The following NEBL variants were observed in gnomAD, a reference collection of about 807,000 sequenced individuals.
NEBL encodes LIM and SH3 protein 2.
Under a neutral mutation model 140.2 loss-of-function variants are expected in NEBL, and 122 were observed. The ratio of observed to expected loss-of-function variants is 0.87; its 90% CI spans 0.75 to 1.01. The LOEUF (loss-of-function observed/expected upper bound fraction) is 1.01. NEBL is among the 50% of genes least tolerant of loss of function. NEBL has a pLI of 0.00. For missense variants in NEBL, 1,365 were observed against 1,231.3 expected (o/e 1.11, Z -1.62); for synonymous variants, 436 against 398.9 (o/e 1.09, Z -1.11).
At chr10:20,935,614 A>C (rs1834440696) in intron 4 of NEBL, among the ~76,000 whole-genome samples, 1 of 152,224 alleles carries the variant, frequency 6.6e-6, no homozygotes, top group African/African-American at 2.4e-5. Context: ...TGGAAGCAGA[A>C]TTAAAACACT....
chr10:21,140,835 A>G (rs575667442), intron 2 of NEBL, among the ~76,000 whole-genome samples: 2 of 152,242 alleles, frequency 1.3e-5, no homozygotes, highest in African/African-American at 4.8e-5. Context: ...ACAAATATCT[A>G]ACGCATGCAT....
chr10:21,016,211 C>T (rs1418714222), intron 3 of NEBL, among the ~76,000 whole-genome samples: 1 of 152,216 alleles, frequency 6.6e-6, no homozygotes, highest in African/African-American at 2.4e-5. Context: ...CAGAGCAGTC[C>T]ACATCTACTG....
intron 4 of NEBL, among the ~76,000 whole-genome samples, chr10:20,886,684 C>T (rs1439386897): frequency 2.0e-5 from 3 of 152,178 alleles, no homozygotes; most frequent in Non-Finnish European, 4.4e-5. Flanking sequence ...CATTTACTGG[C>T]TGTGCCACCT....
intron 2 of NEBL, among the ~76,000 whole-genome samples, chr10:21,072,768 A>G (rs1424786690): frequency 6.6e-6 from 1 of 152,202 alleles, no homozygotes; most frequent in Non-Finnish European, 1.5e-5. Flanking sequence ...AGGCCGGTGG[A>G]TAACTTGAGG....
intron 2 of NEBL, chr10:21,125,624 T>C: frequency 2.1e-6 from 1 of 469,028 alleles, no homozygotes; most frequent in Non-Finnish European, 3.8e-6. Flanking sequence ...GGAATGTAAG[T>C]TTTGTTTCCC....
upstream of NEBL, among the ~76,000 whole-genome samples, chr10:21,178,315 T>C (rs141749200): frequency 3.9e-5 from 6 of 152,306 alleles, no homozygotes; most frequent in East Asian, 1.9e-4. Flanking sequence ...AGGAAATGCA[T>C]TGGGGAATAA....
chr10:21,238,716 T>TAAAAAAAAA (rs35732687), intron 3 of NEBL, among the ~76,000 whole-genome samples: 279 of 94,340 alleles, frequency 3.0e-3, no homozygotes, highest in East Asian at 0.011. Flanking sequence ...TCAAAAAAAT[T>TAAAAAAAAA]AAAAAAAAAA....
intron 18 of NEBL, among the ~76,000 whole-genome samples, chr10:20,825,058 A>G (rs981636379): frequency 6.6e-6 from 1 of 152,158 alleles, no homozygotes; most frequent in Non-Finnish European, 1.5e-5. Flanking sequence ...CACTTTATTC[A>G]AGAGACAGCT....
rs1055309193 is a variant in NEBL at position 20,860,248 on chromosome 10, C to T, written c.685-422G>A. Among the ~76,000 whole-genome samples, 10 of 152,142 alleles carry T rather than the reference C, an allele frequency of 6.6e-5. No homozygotes were observed. The South Asian group carries it at 1.9e-3, about 28-fold the overall frequency. On this transcript the variant is annotated intron_variant, in intron 7 of 27. Coordinates refer to ENST00000377122, the MANE Select transcript of NEBL (RefSeq NM_006393.3). The stretch of plus-strand genomic sequence containing the variant: ...GAATTATTCCAAATAAAGAGCATGA[C>T]GTGTACCACAGTTTTTCTCATCATT...
intron 3 of NEBL, among the ~76,000 whole-genome samples, chr10:20,997,217 A>G (rs1229280719): frequency 6.6e-6 from 1 of 152,110 alleles, no homozygotes; most frequent in Non-Finnish European, 1.5e-5. Flanking sequence ...TTGTTCATTT[A>G]AACATTTACA....
chr10:21,026,728 C>A (rs534194258), intron 2 of NEBL, among the ~76,000 whole-genome samples: 1 of 152,166 alleles, frequency 6.6e-6, no homozygotes, highest in Admixed American at 6.5e-5. Context: ...AATGAGTTAA[C>A]ATGGCAGGGC....
chr10:21,126,437 T>A (rs1407278703), intron 2 of NEBL, among the ~76,000 whole-genome samples: 1 of 152,122 alleles, frequency 6.6e-6, no homozygotes, highest in Non-Finnish European at 1.5e-5. Context: ...TATTTTCAAA[T>A]GCATTAGTTC....
intron 2 of NEBL, among the ~76,000 whole-genome samples, chr10:21,069,166 G>T (rs1835703401): frequency 6.6e-6 from 1 of 152,196 alleles, no homozygotes; most frequent in Non-Finnish European, 1.5e-5. Context: ...TGGGATTACA[G>T]TCATGAGCCA....
At chr10:21,203,780 C>T (rs1275255694) in intron 3 of NEBL, among the ~76,000 whole-genome samples, 6 of 152,142 alleles carry the variant, frequency 3.9e-5, no homozygotes, top group African/African-American at 7.2e-5. Context: ...CTGCATTTGA[C>T]GACCTTCCCA....
At chr10:21,240,325 C>G (rs1269008914) in intron 3 of NEBL, among the ~76,000 whole-genome samples, 1 of 152,132 alleles carries the variant, frequency 6.6e-6, no homozygotes, top group Non-Finnish European at 1.5e-5. Context: ...TAAGGAAAAT[C>G]AATCGCTTGG....
chr10:20,889,616 A>G (rs1036885872), intron 3 of NEBL, among the ~76,000 whole-genome samples: 7 of 152,186 alleles, frequency 4.6e-5, no homozygotes, highest in Non-Finnish European at 1.0e-4. Context: ...AAAGATTTAG[A>G]GTCAAAATAT....
chr10:21,144,793 C>A (rs1216179001), intron 2 of NEBL, among the ~76,000 whole-genome samples: 1 of 152,044 alleles, frequency 6.6e-6, no homozygotes, highest in Non-Finnish European at 1.5e-5. Flanking sequence ...CAAGCCCCAT[C>A]ATATAAGGCC....
intron 2 of NEBL, among the ~76,000 whole-genome samples, chr10:21,084,253 T>G (rs1836514492): frequency 6.6e-6 from 1 of 152,260 alleles, no homozygotes; most frequent in Admixed American, 6.5e-5. Context: ...CGTTGAGTGT[T>G]GAATGCAGCT....
intron 1 of NEBL, among the ~76,000 whole-genome samples, chr10:21,275,139 C>G (rs1842904308): frequency 6.6e-6 from 1 of 152,150 alleles, no homozygotes; most frequent in South Asian, 2.1e-4. Flanking sequence ...CCCACCCCAC[C>G]CTGCTCAACA....
Sources: gnomAD v4.1 joint callset for allele counts (sites outside exome capture counted in the v4.1 genomes callset) on GRCh38, gnomAD v4.1.1 for gene constraint, MANE v1.5 for transcripts, NCBI Gene and HGNC (gene_info 2026-07-23, HGNC 2026-07-21) for gene names.